The following FOCAD variants were observed in gnomAD, a reference collection of about 807,000 sequenced individuals.
FOCAD encodes KIAA1797.
In FOCAD, 198 loss-of-function variants were observed where a neutral mutation model predicts 225.6. The ratio of observed to expected loss-of-function variants is 0.88; its 90% CI spans 0.78 to 0.99. FOCAD has a LOEUF of 0.99. FOCAD is among the 50% of genes least tolerant of loss of function. The pLI is 0.00. For synonymous variants in FOCAD, 897 were observed against 755.0 expected (o/e 1.19, Z -3.08); for missense variants, 2,713 against 2,123.6 (o/e 1.28, Z -5.46).
chr9:20,728,037 T>C (rs1033539368), intron 4 of FOCAD, among the ~76,000 whole-genome samples: 4 of 152,230 alleles, frequency 2.6e-5, no homozygotes, highest in African/African-American at 4.8e-5. Context: ...ATCTGATACA[T>C]GTTATTCATA....
intron 28 of FOCAD, among the ~76,000 whole-genome samples, chr9:20,939,262 TAGC>T: frequency 6.6e-6 from 1 of 151,836 alleles, no homozygotes; most frequent in East Asian, 1.9e-4. Context: ...TAGGGAAATT[TAGC>T]TGTTATTTGA....
At chr9:20,857,796 T>TTTA (rs1828346567) in intron 15 of FOCAD, among the ~76,000 whole-genome samples, 1 of 150,172 alleles carries the variant, frequency 6.7e-6, no homozygotes, top group South Asian at 2.1e-4. Flanking sequence ...TTTTTTTTTT[T>TTTA]ATCATGAAGT....
At chr9:20,827,493 C>CGTGT (rs372926136) in intron 15 of FOCAD, among the ~76,000 whole-genome samples, 1 of 149,994 alleles carries the variant, frequency 6.7e-6, no homozygotes, top group South Asian at 2.1e-4. Context: ...AAAATTGTGG[C>CGTGT]GTGTGTGTGT....
chr9:20,874,455 T>C (rs1439806468), intron 18 of FOCAD: 3 of 443,428 alleles, frequency 6.8e-6, no homozygotes, highest in African/African-American at 4.1e-5. Context: ...ATAAGCTTTT[T>C]ATACAGATCT....
At chr9:20,761,579 C>G (rs1331051215) in intron 6 of FOCAD, among the ~76,000 whole-genome samples, 1 of 152,036 alleles carries the variant, frequency 6.6e-6, no homozygotes, top group African/African-American at 2.4e-5. Flanking sequence ...CGCCACCATG[C>G]CTGGCTAATT....
intron 21 of FOCAD, among the ~76,000 whole-genome samples, chr9:20,905,667 T>C (rs938647130): frequency 2.6e-5 from 4 of 151,998 alleles, no homozygotes; most frequent in Middle Eastern, 6.8e-3. Flanking sequence ...TTGAAGAAAA[T>C]TGCCCACATT....
At chr9:20,937,551 T>C (rs1283257974) in intron 28 of FOCAD, among the ~76,000 whole-genome samples, 1 of 151,898 alleles carries the variant, frequency 6.6e-6, no homozygotes, top group Non-Finnish European at 1.5e-5. Context: ...ACTGGATCCC[T>C]TCCTTACACC....
rs150805388 is a variant in FOCAD, at chr9:20,744,614, A to G, written c.392+4274A>G. ...AGCCCTCTTAGGAGCTTTAAAATAT[A>G]TGGATGACTGGGCTTTACCCAGAAT... On this transcript the variant is annotated intron_variant, in intron 5 of 43. Coordinates refer to ENST00000338382, the MANE Select transcript of FOCAD (RefSeq NM_001375567.1). Among the ~76,000 whole-genome samples the G allele has an allele frequency of 2.0e-3, 311 of 152,276 alleles. 2 individuals carry two copies. The highest frequency in any genetic ancestry group is 7.1e-3 in the African/African-American group (295 of 41,554).
rs775707740 is a variant in FOCAD, at chr9:20,851,211, GT to G, written c.1921-11355del. Reference sequence around the variant, plus strand: ...AGTTGAAAACCATGAAAGAGTTTTGGTTTTTTTTTTTTCGTGGGGTGGGGGG... The same window carrying G: ...AGTTGAAAACCATGAAAGAGTTTTGGTTTTTTTTTTTCGTGGGGTGGGGGG... On this transcript the variant is annotated intron_variant, in intron 15 of 43. Transcript: ENST00000338382. Among the ~76,000 whole-genome samples the G allele has an allele frequency of 4.0e-4, 52 of 128,640 alleles. No homozygotes were observed. The Middle Eastern group carries it at 0.021, about 52-fold the overall frequency. The allele number at this position is 128,640 out of a possible 152,430, so 84.4% of individuals were successfully genotyped here.
chr9:20,794,865 G>A (rs1820890666), intron 11 of FOCAD, among the ~76,000 whole-genome samples: 2 of 151,978 alleles, frequency 1.3e-5, no homozygotes, highest in African/African-American at 2.4e-5. Context: ...TGGCAATAAA[G>A]CCCTTTTTAG....
intron 15 of FOCAD, among the ~76,000 whole-genome samples, chr9:20,833,621 C>T (rs1825723623): frequency 6.6e-6 from 1 of 152,042 alleles, no homozygotes; most frequent in South Asian, 2.1e-4. Flanking sequence ...AGATTTACAT[C>T]ATCTGCCTGA....
intron 15 of FOCAD, among the ~76,000 whole-genome samples, chr9:20,827,142 T>G (rs1824981363): frequency 1.3e-5 from 2 of 152,184 alleles, no homozygotes; most frequent in African/African-American, 4.8e-5. Context: ...ACAATCAATT[T>G]TAGGACACTT....
At chr9:20,828,110 G>A (rs560897734) in intron 15 of FOCAD, among the ~76,000 whole-genome samples, 54 of 150,780 alleles carry the variant, frequency 3.6e-4, no homozygotes, top group African/African-American at 1.2e-3. Flanking sequence ...CCATGATTGC[G>A]CCACTGCATT....
At chr9:20,858,878 T>C (rs969794938) in intron 15 of FOCAD, among the ~76,000 whole-genome samples, 3 of 152,196 alleles carry the variant, frequency 2.0e-5, no homozygotes, top group African/African-American at 7.2e-5. Context: ...AATTTCCATA[T>C]GTTTGTATAG....
chr9:20,909,091 A>T (rs1207118904), intron 22 of FOCAD, among the ~76,000 whole-genome samples: 1 of 152,118 alleles, frequency 6.6e-6, no homozygotes, highest in East Asian at 1.9e-4. Context: ...AAGAAAGGCT[A>T]AATTGAATAG....
At chr9:20,817,170 C>T (rs1220081819) in intron 11 of FOCAD, among the ~76,000 whole-genome samples, 2 of 152,008 alleles carry the variant, frequency 1.3e-5, no homozygotes, top group African/African-American at 4.8e-5. Flanking sequence ...AGATATTTAC[C>T]AAATAATTTT....
intron 15 of FOCAD, among the ~76,000 whole-genome samples, chr9:20,841,486 C>T (rs770723019): frequency 1.3e-5 from 2 of 151,154 alleles, no homozygotes; most frequent in Non-Finnish European, 3.0e-5. Flanking sequence ...CTAGTTTGGT[C>T]TTGTTGGTAT....
chr9:20,690,182 C>A (rs1458462746), intron 1 of FOCAD, among the ~76,000 whole-genome samples: 5 of 152,140 alleles, frequency 3.3e-5, no homozygotes, highest in Non-Finnish European at 7.3e-5. Flanking sequence ...TATTTTCTGA[C>A]CTAGAGTCTG....
At chr9:20,749,800 C>T (rs1393837754) in intron 5 of FOCAD, among the ~76,000 whole-genome samples, 2 of 152,120 alleles carry the variant, frequency 1.3e-5, no homozygotes, top group South Asian at 2.1e-4. Flanking sequence ...TTGAGGTGAC[C>T]TAAAGGTTAC....
Sources: gnomAD v4.1 joint callset for allele counts (sites outside exome capture counted in the v4.1 genomes callset) on GRCh38, gnomAD v4.1.1 for gene constraint, MANE v1.5 for transcripts, NCBI Gene and HGNC (gene_info 2026-07-23, HGNC 2026-07-21) for gene names.